CFAP70: variants seen among roughly 807,000 people sequenced by gnomAD.
CFAP70 encodes cilia- and flagella-associated protein 70.
Under a neutral mutation model 137.6 loss-of-function variants are expected in CFAP70, and 81 were observed. The ratio of observed to expected loss-of-function variants is 0.59; its 90% confidence interval spans 0.49 to 0.71. CFAP70 has a LOEUF of 0.71. Among genes scored for constraint, CFAP70 ranks in the 30% least tolerant of loss-of-function variants. The probability of loss-of-function intolerance (pLI) is 0.00; values close to 1 mark genes in which losing one functional copy is unlikely to be tolerated. For missense variants in CFAP70, 976 were observed against 1,226.7 expected (o/e 0.80, Z 3.05); for synonymous variants, 382 against 423.6 (o/e 0.90, Z 1.20).
intron 3 of CFAP70, among the ~76,000 whole-genome samples, chr10:73,348,852 T>G (rs7898875): frequency 0.045 from 6,846 of 151,742 alleles, 470 homozygotes; most frequent in African/African-American, 0.15. Context: ...CACCTGAGGT[T>G]GGGAGTTCGA....
At chr10:73,354,200 T>C (rs2054495453) in intron 2 of CFAP70, among the ~76,000 whole-genome samples, 1 of 152,236 alleles carries the variant, frequency 6.6e-6, no homozygotes, top group African/African-American at 2.4e-5. Context: ...TTTCTAGTGT[T>C]CTGCTGTGAA....
At chr10:73,333,072 C>CT in intron 7 of CFAP70, among the ~76,000 whole-genome samples, 1 of 151,930 alleles carries the variant, frequency 6.6e-6, no homozygotes, top group Non-Finnish European at 1.5e-5. Flanking sequence ...GATGGAAACT[C>CT]TAAGAAAGAA....
At chr10:73,314,064 A>C (rs1380068013) in intron 9 of CFAP70, among the ~76,000 whole-genome samples, 1 of 152,234 alleles carries the variant, frequency 6.6e-6, no homozygotes, top group Non-Finnish European at 1.5e-5. Context: ...TTTGAAATAA[A>C]CAATTTTTTA....
intron 15 of CFAP70, 189 bp downstream of exon 16, chr10:73,296,853 T>G: frequency 2.2e-6 from 1 of 448,026 alleles, no homozygotes; most frequent in Non-Finnish European, 3.7e-6. Context: ...TATCTCCTTG[T>G]TTTTTTCCAA....
chr10:73,309,241 G>A (rs775991445), intron 12 of CFAP70, among the ~76,000 whole-genome samples: 4 of 152,174 alleles, frequency 2.6e-5, no homozygotes, highest in African/African-American at 4.8e-5. Context: ...AATTGTATGC[G>A]AACAAGTTGA....
chr10:73,355,721 T>C (rs982785271), intron 1 of CFAP70, among the ~76,000 whole-genome samples: 5 of 152,184 alleles, frequency 3.3e-5, no homozygotes, highest in African/African-American at 1.2e-4. Context: ...GAGGTTGCAG[T>C]GAGCTGAGAT....
chr10:73,257,876 C>CTTT lies in CFAP70; in HGVS notation c.3028-1463_3028-1461dup, dbSNP rs745485451. 7.1e-3 allele frequency among the ~76,000 whole-genome samples: 923 copies of CTTT among 129,886 alleles called. 22 individuals are homozygous for CTTT. Among genetic ancestry groups the CTTT allele is most frequent in the African/African-American group, 0.017 (553 of 33,138 alleles). 85.2% of individuals were successfully genotyped at this position (129,886 alleles called of 152,430 possible). ...ATTTCTTCTTCTTCTCCTTTTCCTT[C>CTTT]TTTTTTTTTTTTTTTTTTTGAGACG... On this transcript the variant is annotated intron_variant, in intron 25 of 26. Transcript: ENST00000310715.
Position 73,324,260 on chromosome 10 carries a change from T to C in CFAP70, c.778-1163A>G, listed in dbSNP as rs529621864. On this transcript the variant is annotated intron_variant, in intron 8 of 26. Coordinates refer to ENST00000310715, the Ensembl canonical transcript of CFAP70. ...TGGACCTCTAGCAAACTTCAACAGA[T>C]CTGCAGCTGAGGGTCCTGTCTGTTA... 2.3e-3 allele frequency among the ~76,000 whole-genome samples: 354 copies of C among 152,216 alleles called. 3 individuals are homozygous for C. The highest frequency in any genetic ancestry group is 7.9e-3 in the African/African-American group (328 of 41,542).
At chr10:73,293,952 G>C (rs993212791) in intron 15 of CFAP70, 1 of 152,156 alleles carries the variant, frequency 6.6e-6, no homozygotes, top group Non-Finnish European at 1.5e-5. Context: ...CAAAGATTGG[G>C]AGAGCAGGTC....
intron 1 of CFAP70, among the ~76,000 whole-genome samples, chr10:73,357,724 T>C (rs1427297676): frequency 1.3e-5 from 2 of 152,246 alleles, no homozygotes; most frequent in African/African-American, 2.4e-5. Flanking sequence ...AAAGATTACC[T>C]GCATTTAGTC....
At chr10:73,335,975 T>TA (rs1564862415) in intron 6 of CFAP70, among the ~76,000 whole-genome samples, 1 of 151,812 alleles carries the variant, frequency 6.6e-6, no homozygotes, top group Non-Finnish European at 1.5e-5. Context: ...CCTCCATCTC[T>TA]AAAAATAATT....
rs747986672 is a variant in CFAP70, at chr10:73,254,002, T to G, written c.3129A>C (p.Thr1043=). 4 of 1,606,250 alleles carry G rather than the reference T, an allele frequency of 2.5e-6. No individual in the cohort carries two copies. The East Asian group carries it at 6.7e-5, about 27-fold the overall frequency. ...AGAAAGATGGATTTCCAAAGCCAAC[T>G]GTTTCCTGTAGTGTGTGGATCTCTG... Residue 1043 remains threonine, a synonymous_variant, in exon 27 of 27, where the codon ACA becomes ACC. Transcript: ENST00000310715.
chr10:73,348,380 T>C (rs778073323), intron 4 of CFAP70, 43 bp downstream of exon 4: 21 of 1,580,374 alleles, frequency 1.3e-5, no homozygotes, highest in Non-Finnish European at 1.2e-5. Context: ...CTAAGTTTTA[T>C]GAGCTTTTCC....
At chr10:73,259,020 T>C (rs2044837652) in intron 25 of CFAP70, among the ~76,000 whole-genome samples, 2 of 152,218 alleles carry the variant, frequency 1.3e-5, no homozygotes, top group African/African-American at 4.8e-5. Context: ...TGATATTTTA[T>C]TGCCCTTGAA....
intron 15 of CFAP70, chr10:73,293,667 G>T: frequency 3.7e-6 from 1 of 267,136 alleles, no homozygotes; most frequent in East Asian, 7.4e-5. Flanking sequence ...TCAACCCTCA[G>T]GGCATTCATA....
intron 20 of CFAP70, 119 bp from the exon 22 acceptor site, chr10:73,277,480 C>G (rs1165865322): frequency 3.7e-6 from 4 of 1,067,104 alleles, no homozygotes; most frequent in Non-Finnish European, 5.2e-6. Flanking sequence ...TTTGGGAGGC[C>G]GAGGCAGGCA....
intron 7 of CFAP70, 83 bp from the exon 9 acceptor site, chr10:73,331,359 T>C: frequency 8.7e-7 from 1 of 1,145,778 alleles, no homozygotes. Flanking sequence ...TATTCTCTTT[T>C]AGAAAGTAAT....
At chr10:73,334,903 A>T in intron 7 of CFAP70, among the ~76,000 whole-genome samples, 1 of 143,752 alleles carries the variant, frequency 7.0e-6, no homozygotes, top group Non-Finnish European at 1.5e-5. Context: ...TTTTTTTAAG[A>T]GACAAGGTGT....
chr10:73,314,897 A>C (rs2050209356), intron 9 of CFAP70, among the ~76,000 whole-genome samples: 1 of 149,026 alleles, frequency 6.7e-6, no homozygotes, highest in South Asian at 2.3e-4. Context: ...GAGCCACCAC[A>C]CCTGGCCCAA....
Sources: allele counts gnomAD v4.1 joint callset (sites outside exome capture counted in the v4.1 genomes callset), GRCh38; gene constraint gnomAD v4.1.1; transcripts MANE v1.5; gene names NCBI Gene and HGNC (gene_info 2026-07-23, HGNC 2026-07-21).